The following ADAT2 variants were observed in gnomAD, a reference collection of about 807,000 sequenced individuals.
ADAT2 encodes adenosine deaminase tRNA specific 2, also known as tRNA-specific adenosine-34 deaminase catalytic subunit ADAT2.
Under a neutral mutation model 25.9 loss-of-function variants are expected in ADAT2, and 26 were observed. The observed-to-expected ratio is 1.00, with a 90% confidence interval of 0.74 to 1.39. The LOEUF is 1.39. Ranked by LOEUF, ADAT2 falls within the 40% of genes most tolerant of loss-of-function variation. The pLI is 0.00. For missense variants in ADAT2, 220 were observed against 244.8 expected (o/e 0.90, Z 0.68); for synonymous variants, 76 against 86.8 (o/e 0.88, Z 0.69).
At chr6:143,430,709 G>A (rs9496628) in intron 4 of ADAT2, among the ~76,000 whole-genome samples, 42,117 of 151,778 alleles carry the variant, frequency 0.28, 6,074 homozygotes, top group Admixed American at 0.32. Flanking sequence ...GGGATCACAG[G>A]CGCCCGCCAC....
chr6:143,445,348 G>A (rs909180823), intron 1 of ADAT2, among the ~76,000 whole-genome samples: 6 of 151,844 alleles, frequency 4.0e-5, no homozygotes, highest in African/African-American at 9.7e-5. Context: ...AAAGGCACAC[G>A]CACATAATAT....
chr6:143,449,709 T>C (rs1779704376), intron 1 of ADAT2: 2 of 152,296 alleles, frequency 1.3e-5, no homozygotes, highest in East Asian at 1.9e-4. Context: ...TAAAAGTTTG[T>C]TTGTAAACGT....
Position 143,436,447 on chromosome 6 carries a change from G to A in ADAT2, c.201+2143C>T, listed in dbSNP as rs11964459. ...AACAGCTTTCTGGGACATCCCATCC[G>A]CAGGACTAAAAACGTCCACCACTTT... On this transcript the variant is annotated intron_variant, in intron 2 of 5. Coordinates refer to ENST00000237283, the MANE Select transcript of ADAT2 (RefSeq NM_182503.3). The surrounding 1 kb of genome is among the most constrained non-coding windows in gnomAD (Gnocchi z 4.1). The A allele has an allele frequency of 9.8e-3, 2,606 of 266,380 alleles. 64 individuals carry two copies. The highest frequency in any genetic ancestry group is 0.056 in the African/African-American group (2,460 of 44,256). 16.5% of individuals were successfully genotyped at this position (266,380 alleles called of 1,614,324 possible).
Position 143,446,864 on chromosome 6 carries a change from T to A in ADAT2, c.96+3699A>T, listed in dbSNP as rs1434152445. 2.0e-5 allele frequency among the ~76,000 whole-genome samples: 3 copies of A among 152,172 alleles called. No homozygotes were observed. Among genetic ancestry groups the A allele is most frequent in the Non-Finnish European group, 4.4e-5 (3 of 68,020 alleles). ...TAGGGCTTCTGTGGGGCTTATAACA[T>A]GGCCCACATGAAAACACTGTGCATA... is the stretch of plus-strand genomic sequence containing the variant. On this transcript the variant is annotated intron_variant, in intron 1 of 5. Transcript: ENST00000237283. This position sits in a 1 kb window ranked among gnomAD's most constrained non-coding sequence, Gnocchi z 5.0.
chr6:143,439,023 T>C (rs1423956979), intron 1 of ADAT2, among the ~76,000 whole-genome samples: 2 of 152,116 alleles, frequency 1.3e-5, no homozygotes, highest in African/African-American at 4.8e-5. Flanking sequence ...AGAGATAGAA[T>C]ACATATTTGC....
At chr6:143,445,219 C>A (rs1178963100) in intron 1 of ADAT2, among the ~76,000 whole-genome samples, 2 of 151,866 alleles carry the variant, frequency 1.3e-5, no homozygotes, top group Non-Finnish European at 2.9e-5. Flanking sequence ...CTATCACCCA[C>A]CCTCCCATTG....
intron 1 of ADAT2, 59 bp from the exon 2 acceptor site, chr6:143,438,753 A>T: frequency 1.5e-6 from 2 of 1,363,258 alleles, no homozygotes. Flanking sequence ...AGAGTATAGG[A>T]GAGAAAGAGA....
In ADAT2 at chr6:143,436,435, G is replaced by T; in HGVS notation, c.201+2155C>A. ...CTACAATGGGAAAACAGCTTTCTGG[G>T]ACATCCCATCCGCAGGACTAAAAAC... On this transcript the variant is annotated intron_variant, in intron 2 of 5. Transcript: ENST00000237283. This position sits in a 1 kb window ranked among gnomAD's most constrained non-coding sequence, Gnocchi z 4.1. The T allele has an allele frequency of 3.6e-6, 1 of 276,514 alleles. No homozygotes were observed. The highest frequency in any genetic ancestry group is 7.4e-6 in the Non-Finnish European group (1 of 135,898). 17.1% of individuals were successfully genotyped at this position (276,514 alleles called of 1,614,324 possible).
At chr6:143,429,926 G>A (rs2128738646) in intron 4 of ADAT2, among the ~76,000 whole-genome samples, 1 of 152,248 alleles carries the variant, frequency 6.6e-6, no homozygotes, top group East Asian at 1.9e-4. Flanking sequence ...GTCAAAGGCT[G>A]ACACCCTGCT....
rs918054199 is a variant in ADAT2, at chr6:143,434,070, G to A, written c.202-89C>T. 2.8e-5 allele frequency: 42 copies of A among 1,493,002 alleles called. No individual in the cohort carries two copies. Among genetic ancestry groups the A allele is most frequent in the African/African-American group, 5.6e-5 (4 of 71,878 alleles). 92.5% of individuals were successfully genotyped at this position (1,493,002 alleles called of 1,614,324 possible). On this transcript the variant is annotated intron_variant, in intron 2 of 5. Coordinates refer to ENST00000237283, the MANE Select transcript of ADAT2 (RefSeq NM_182503.3). This position sits in a 1 kb window ranked among gnomAD's most constrained non-coding sequence, Gnocchi z 4.5. ...TACAAAAACTAAGTACAAAATATGC[G>A]CCTATCCTTTCTGCCAATATTTTAA... is the stretch of plus-strand genomic sequence containing the variant.
At chr6:143,430,998 C>T (rs1779097613) in intron 4 of ADAT2, among the ~76,000 whole-genome samples, 1 of 152,182 alleles carries the variant, frequency 6.6e-6, no homozygotes, top group Admixed American at 6.5e-5. Context: ...TGCAATTCTG[C>T]AGTAAGAAAC....
At chr6:143,449,356 T>C (rs1005476580) in intron 1 of ADAT2, among the ~76,000 whole-genome samples, 3 of 152,248 alleles carry the variant, frequency 2.0e-5, no homozygotes, top group African/African-American at 7.2e-5. Flanking sequence ...CTGGCCATGC[T>C]ACTTTGTATC....
chr6:143,431,653 G>A (rs941797419), intron 4 of ADAT2, among the ~76,000 whole-genome samples: 4 of 152,170 alleles, frequency 2.6e-5, no homozygotes, highest in African/African-American at 4.8e-5. Flanking sequence ...TTAAAAACTC[G>A]TTCTCAGTGA....
At chr6:143,449,602 T>C (rs1779700580) in intron 1 of ADAT2, among the ~76,000 whole-genome samples, 1 of 152,192 alleles carries the variant, frequency 6.6e-6, no homozygotes, top group South Asian at 2.1e-4. Flanking sequence ...ACAGGAACTT[T>C]TCAGCTTCAT....
rs1779609898 is a variant in ADAT2 at position 143,446,706 on chromosome 6, G to C, written c.96+3857C>G. On this transcript the variant is annotated intron_variant, in intron 1 of 5. Transcript: ENST00000237283. The surrounding 1 kb of genome is among the most constrained non-coding windows in gnomAD (Gnocchi z 5.0). ...TAACACCGAGAGGCAGGCCAGGCCA[G>C]TATTTAACAGCAGATGACAGGCCTC... is the stretch of plus-strand genomic sequence containing the variant. Among the ~76,000 whole-genome samples, 2 of 151,718 alleles carry C rather than the reference G, an allele frequency of 1.3e-5. No individual in the cohort carries two copies. The highest frequency in any genetic ancestry group is 2.9e-5 in the Non-Finnish European group (2 of 67,928).
chr6:143,423,992 C>T lies in ADAT2; in HGVS notation c.*4471G>A, dbSNP rs1778855792. ...TACACCATGAAGCCTCCTTAATAGTCATGGATATGTGGTGTTCAACCCAAT... is the reference window on the plus strand; with the variant it reads ...TACACCATGAAGCCTCCTTAATAGTTATGGATATGTGGTGTTCAACCCAAT... On this transcript the variant is annotated 3_prime_UTR_variant, in exon 6 of 6. Coordinates refer to ENST00000237283, the MANE Select transcript of ADAT2 (RefSeq NM_182503.3). 6.6e-6 allele frequency: 1 copy of T among 152,136 alleles called. No homozygotes were observed. The highest frequency in any genetic ancestry group is 1.5e-5 in the Non-Finnish European group (1 of 68,024). The allele number at this position is 152,136 out of a possible 1,614,324, so 9.4% of individuals were successfully genotyped here. A position where few individuals can be genotyped will look rare whatever the true frequency, so the allele number is the denominator to read the frequency against.
chr6:143,448,675 A>T (rs1779664729), intron 1 of ADAT2, among the ~76,000 whole-genome samples: 1 of 144,006 alleles, frequency 6.9e-6, no homozygotes. Context: ...TTGTGTATTC[A>T]TTTATTTGCT....
In ADAT2 at chr6:143,447,214, G is replaced by C. The variant is rs1187026504; in HGVS notation, c.96+3349C>G. 2.0e-5 allele frequency among the ~76,000 whole-genome samples: 3 copies of C among 152,122 alleles called. No homozygotes were observed. The East Asian group carries it at 5.8e-4, about 29-fold the overall frequency. On this transcript the variant is annotated intron_variant, in intron 1 of 5. Coordinates refer to ENST00000237283, the MANE Select transcript of ADAT2 (RefSeq NM_182503.3). Reference sequence around the variant, plus strand: ...TTGAAATGTGGCTAATACAACTGAGGAGCTAGATTTTATTTTATTTCACCT... The same window carrying C: ...TTGAAATGTGGCTAATACAACTGAGCAGCTAGATTTTATTTTATTTCACCT...
At position 143,439,819 on chromosome 6, in the gene ADAT2, G is replaced by C. The variant is rs572120921; in HGVS notation, c.97-1125C>G. On this transcript the variant is annotated intron_variant, in intron 1 of 5. Transcript: ENST00000237283. The stretch of plus-strand genomic sequence containing the variant: ...ATTGAAGGATACATTTACAACCTGT[G>C]CATCTCACTGTATATAAAGTATACC... 2.0e-5 allele frequency among the ~76,000 whole-genome samples: 3 copies of C among 152,236 alleles called. No individual in the cohort carries two copies. The East Asian group carries it at 5.8e-4, about 29-fold the overall frequency.
Sources: allele counts gnomAD v4.1 joint callset (sites outside exome capture counted in the v4.1 genomes callset), GRCh38; gene constraint gnomAD v4.1.1; non-coding constraint Gnocchi (gnomAD v3.1); transcripts MANE v1.5; gene names NCBI Gene and HGNC (gene_info 2026-07-23, HGNC 2026-07-21).